Variants in GSDMC observed in about 807,000 individuals in gnomAD.
GSDMC encodes gasdermin C.
A neutral mutation model predicts 58.0 loss-of-function variants in GSDMC; 59 were observed. The ratio of observed to expected loss-of-function variants is 1.02; its 90% CI spans 0.82 to 1.26. The LOEUF (loss-of-function observed/expected upper bound fraction) is 1.26. Ranked by LOEUF, GSDMC falls within the 50% of genes most tolerant of loss-of-function variation. The pLI is 0.00. For missense variants in GSDMC, 659 were observed against 598.5 expected (o/e 1.10, Z -1.06); for synonymous variants, 241 against 220.2 (o/e 1.09, Z -0.83).
intron 1 of GSDMC, among the ~76,000 whole-genome samples, chr8:129,780,861 A>C (rs2034386024): frequency 6.6e-6 from 1 of 152,196 alleles, no homozygotes; most frequent in Non-Finnish European, 1.5e-5. Flanking sequence ...ACAGGACATA[A>C]AGACAAACAA....
At chr8:129,783,305 C>T (rs574589521) in intron 1 of GSDMC, among the ~76,000 whole-genome samples, 10 of 152,066 alleles carry the variant, frequency 6.6e-5, no homozygotes, top group African/African-American at 2.4e-4. Flanking sequence ...GTCAAATTGT[C>T]CTTGTTTGTG....
At chr8:129,717,714 AC>A in the GSDMC span, among the ~76,000 whole-genome samples, 1 of 152,166 alleles carries the variant, frequency 6.6e-6, no homozygotes, top group Non-Finnish European at 1.5e-5. Flanking sequence ...TATAGAAAAA[AC>A]AATCCTAAGC....
the GSDMC span, among the ~76,000 whole-genome samples, chr8:129,712,057 G>GGCCT: frequency 1.3e-5 from 2 of 152,078 alleles, no homozygotes; most frequent in African/African-American, 4.8e-5. Context: ...AGGAGTTTGA[G>GGCCT]GCCTGCCTGG....
intron 4 of GSDMC, among the ~76,000 whole-genome samples, chr8:129,764,719 C>T (rs968127939): frequency 6.6e-5 from 10 of 152,048 alleles, no homozygotes; most frequent in Admixed American, 3.9e-4. Context: ...TCTCATGTAC[C>T]CCATGAATGT....
Position 129,773,857 on chromosome 8 carries a change from A to T in GSDMC, c.404+2245T>A, listed in dbSNP as rs181958403. 3.5e-4 allele frequency among the ~76,000 whole-genome samples: 54 copies of T among 152,204 alleles called. No individual in the cohort carries two copies. The South Asian group carries it at 7.3e-3, about 20-fold the overall frequency. ...AAATACTTGTGAATACATTTCACCAAGGAGGCGAAAGATCTATATACTGAA... is the reference window on the plus strand; with the variant it reads ...AAATACTTGTGAATACATTTCACCATGGAGGCGAAAGATCTATATACTGAA... On this transcript the variant is annotated intron_variant, in intron 3 of 13. Transcript: ENST00000276708.
At chr8:129,715,730 G>A in the GSDMC span, among the ~76,000 whole-genome samples, 2 of 152,154 alleles carry the variant, frequency 1.3e-5, no homozygotes, top group African/African-American at 4.8e-5. Context: ...CGGAAATGTG[G>A]ATCTACGCAG....
At chr8:129,742,366 C>T in the GSDMC span, among the ~76,000 whole-genome samples, 1 of 152,104 alleles carries the variant, frequency 6.6e-6, no homozygotes, top group African/African-American at 2.4e-5. Context: ...CAAAATATCA[C>T]ATTTTGCCCC....
chr8:129,711,043 T>C, the GSDMC span, among the ~76,000 whole-genome samples: 16 of 152,354 alleles, frequency 1.1e-4, no homozygotes, highest in African/African-American at 3.1e-4. Flanking sequence ...CGGATGCCTT[T>C]GCTGAAACCC....
chr8:129,785,983 T>G (rs2034544662), intron 1 of GSDMC, 28 bp downstream of exon 1: 1 of 152,228 alleles, frequency 6.6e-6, no homozygotes, highest in African/African-American at 2.4e-5. Flanking sequence ...TCTTTTCTTT[T>G]TCATCCCCTG....
chr8:129,706,118 T>A, the GSDMC span, among the ~76,000 whole-genome samples: 2 of 152,138 alleles, frequency 1.3e-5, no homozygotes, highest in Non-Finnish European at 2.9e-5. Flanking sequence ...TTTAGGAAGG[T>A]GATGCTGCTG....
At chr8:129,766,660 G>A (rs2033870933) in intron 3 of GSDMC, among the ~76,000 whole-genome samples, 2 of 151,998 alleles carry the variant, frequency 1.3e-5, no homozygotes, top group Non-Finnish European at 1.5e-5. Flanking sequence ...CCCTTATCCT[G>A]AAAACACCAA....
intron 4 of GSDMC, among the ~76,000 whole-genome samples, chr8:129,764,902 A>G (rs1345168635): frequency 1.3e-5 from 2 of 152,154 alleles, no homozygotes; most frequent in African/African-American, 2.4e-5. Flanking sequence ...GGGGTCCACT[A>G]TTCCTGCTTT....
chr8:129,739,220 A>G, the GSDMC span, among the ~76,000 whole-genome samples: 1 of 152,124 alleles, frequency 6.6e-6, no homozygotes, highest in East Asian at 1.9e-4. Context: ...ACTGTGCCTG[A>G]GGGCTTAAGG....
At chr8:129,722,410 A>G in the GSDMC span, among the ~76,000 whole-genome samples, 1 of 152,234 alleles carries the variant, frequency 6.6e-6, no homozygotes, top group South Asian at 2.1e-4. Flanking sequence ...TCTGTTACAT[A>G]AGAATTCACC....
the GSDMC span, among the ~76,000 whole-genome samples, chr8:129,711,462 G>T: frequency 2.4e-4 from 36 of 152,306 alleles, 1 homozygote; most frequent in South Asian, 6.2e-3. Flanking sequence ...CATTATCTTA[G>T]CTAGGACAAA....
the GSDMC span, among the ~76,000 whole-genome samples, chr8:129,740,216 C>A: frequency 1.3e-5 from 2 of 152,120 alleles, no homozygotes; most frequent in African/African-American, 2.4e-5. Context: ...TAAAAAGTCA[C>A]AGTAAGCTAA....
intron 3 of GSDMC, among the ~76,000 whole-genome samples, chr8:129,767,156 C>A (rs1202190672): frequency 6.6e-6 from 1 of 152,222 alleles, no homozygotes. Flanking sequence ...CAGAGCCCAA[C>A]CTAAGTTCCT....
chr8:129,719,010 G>A, the GSDMC span, among the ~76,000 whole-genome samples: 3 of 152,058 alleles, frequency 2.0e-5, no homozygotes, highest in Non-Finnish European at 4.4e-5. Context: ...AGGGAGGGGA[G>A]TATCACACAC....
intron 3 of GSDMC, 119 bp downstream of exon 3, chr8:129,775,983 G>A: frequency 2.7e-6 from 2 of 743,114 alleles, no homozygotes; most frequent in East Asian, 2.6e-5. Context: ...GCAAAATCTG[G>A]GCTGTCATCA....
Sources: allele counts gnomAD v4.1 joint callset (sites outside exome capture counted in the v4.1 genomes callset), GRCh38; gene constraint gnomAD v4.1.1; transcripts MANE v1.5; gene names NCBI Gene and HGNC (gene_info 2026-07-23, HGNC 2026-07-21).